The following GCNT2 variants were observed in gnomAD, a reference collection of about 807,000 sequenced individuals.
GCNT2 encodes the protein N-acetyllactosaminide beta-1,6-N-acetylglucosaminyl-transferase.
Under a neutral mutation model 34.2 loss-of-function variants are expected in GCNT2, and 34 were observed. The ratio of observed to expected loss-of-function variants is 1.00; its 90% CI spans 0.76 to 1.32. The LOEUF is 1.32. GCNT2 is among the 40% of genes most tolerant of loss of function. GCNT2 has a pLI of 0.00. For synonymous variants in GCNT2, 212 were observed against 188.0 expected (o/e 1.13, Z -1.04); for missense variants, 584 against 489.4 (o/e 1.19, Z -1.82).
chr6:10,570,549 C>G (rs567468830), intron 3 of GCNT2, among the ~76,000 whole-genome samples: 2 of 152,286 alleles, frequency 1.3e-5, no homozygotes, highest in Admixed American at 1.3e-4. Context: ...TACCATCAGC[C>G]CTCTCTTCTG....
Position 10,617,747 on chromosome 6 carries a change from CTTCTTTTT to C in GCNT2, c.926-3601_926-3594del, listed in dbSNP as rs1476204165. ...CTGCACCTGGCCAGAGTCTGCATTT[CTTCTTTTT>C]TTTTTTTTTTTTTTTTTGACACAGG... is the stretch of plus-strand genomic sequence containing the variant. On this transcript the variant is annotated intron_variant, in intron 3 of 4. Transcript: ENST00000495262. 8.2e-3 allele frequency among the ~76,000 whole-genome samples: 935 copies of C among 114,276 alleles called. 19 individuals are homozygous for C. Among genetic ancestry groups the C allele is most frequent in the African/African-American group, 0.037 (868 of 23,570 alleles). The allele number at this position is 114,276 out of a possible 152,430, so 75.0% of individuals were successfully genotyped here.
intron 3 of GCNT2, chr6:10,556,423 C>T (rs746301468): frequency 6.2e-7 from 1 of 1,613,626 alleles, no homozygotes; most frequent in Non-Finnish European, 8.5e-7. Context: ...TTCTTTGAGG[C>T]ATGCCTTTAT....
intron 3 of GCNT2, among the ~76,000 whole-genome samples, chr6:10,544,631 ATAT>A (rs1417347836): frequency 1.8e-4 from 27 of 150,408 alleles, no homozygotes; most frequent in African/African-American, 6.6e-4. Context: ...ATAAAATAAA[ATAT>A]TAAATAAATA....
chr6:10,625,683 C>T (rs530527711), intron 4 of GCNT2, among the ~76,000 whole-genome samples: 24 of 152,272 alleles, frequency 1.6e-4, no homozygotes, highest in African/African-American at 4.6e-4. Context: ...TAGGACTTCT[C>T]ATCTGTAACT....
At chr6:10,572,805 C>T (rs9283875) in intron 3 of GCNT2, among the ~76,000 whole-genome samples, 75,096 of 152,104 alleles carry the variant, frequency 0.49, 18,854 homozygotes, top group East Asian at 0.64. Context: ...CTTAAAACTA[C>T]GTTACCCAGT....
chr6:10,526,036 T>C (rs551520977), intron 1 of GCNT2, among the ~76,000 whole-genome samples: 3 of 152,336 alleles, frequency 2.0e-5, no homozygotes, highest in African/African-American at 7.2e-5. Context: ...TAATCATTCC[T>C]ATAGTATTTC....
At chr6:10,623,132 C>G (rs1331578085) in intron 4 of GCNT2, among the ~76,000 whole-genome samples, 4 of 152,040 alleles carry the variant, frequency 2.6e-5, no homozygotes, top group Non-Finnish European at 4.4e-5. Context: ...CTCCATTACA[C>G]CAACCTCTTT....
At chr6:10,604,867 G>A (rs116223504) in intron 3 of GCNT2, among the ~76,000 whole-genome samples, 119 of 147,802 alleles carry the variant, frequency 8.1e-4, no homozygotes, top group Middle Eastern at 3.5e-3. Flanking sequence ...TCAAAAAAAA[G>A]AAAAAGAAAA....
At chr6:10,534,697 C>CAA (rs201663079) in intron 3 of GCNT2, among the ~76,000 whole-genome samples, 2 of 149,542 alleles carry the variant, frequency 1.3e-5, no homozygotes, top group African/African-American at 4.9e-5. Flanking sequence ...CTTGTCTCTA[C>CAA]AAAAAAAAAT....
chr6:10,624,961 G>A (rs1241733021), intron 4 of GCNT2, among the ~76,000 whole-genome samples: 3 of 152,148 alleles, frequency 2.0e-5, no homozygotes, highest in Non-Finnish European at 4.4e-5. Flanking sequence ...TCTCCAGGCC[G>A]AAATATTCTT....
At chr6:10,588,888 A>AGTGTGTGTGTT (rs1376403724) in intron 3 of GCNT2, among the ~76,000 whole-genome samples, 1 of 39,776 alleles carries the variant, frequency 2.5e-5, no homozygotes, top group African/African-American at 9.5e-5. Context: ...GTGTGTTTGT[A>AGTGTGTGTGTT]GCGTGTGTGT....
chr6:10,615,591 A>G (rs922851866), intron 3 of GCNT2, among the ~76,000 whole-genome samples: 2 of 152,190 alleles, frequency 1.3e-5, no homozygotes, highest in African/African-American at 4.8e-5. Context: ...CCCGATCCAG[A>G]CCCCAAGAGA....
intron 3 of GCNT2, among the ~76,000 whole-genome samples, chr6:10,616,588 A>G (rs1765774971): frequency 6.6e-6 from 1 of 152,144 alleles, no homozygotes; most frequent in Non-Finnish European, 1.5e-5. Flanking sequence ...CCTGAGCTAG[A>G]TACAGAGTGC....
At chr6:10,615,295 G>T (rs1359507542) in intron 3 of GCNT2, among the ~76,000 whole-genome samples, 3 of 152,142 alleles carry the variant, frequency 2.0e-5, no homozygotes, top group Admixed American at 6.5e-5. Context: ...GTTGGATGTT[G>T]ATACAAGAGG....
intron 3 of GCNT2, among the ~76,000 whole-genome samples, chr6:10,544,828 T>G (rs1051342059): frequency 1.3e-5 from 2 of 148,526 alleles, no homozygotes; most frequent in African/African-American, 5.0e-5. Context: ...ACCTGTAATC[T>G]GAGCTACTCG....
At chr6:10,551,541 A>T (rs1177103195) in intron 3 of GCNT2, among the ~76,000 whole-genome samples, 1 of 147,518 alleles carries the variant, frequency 6.8e-6, no homozygotes, top group Non-Finnish European at 1.5e-5. Flanking sequence ...CGCCTCCCTG[A>T]TTCAAGCAAT....
chr6:10,582,060 A>C (rs1330286123), intron 3 of GCNT2: 1 of 162,970 alleles, frequency 6.1e-6, no homozygotes, highest in Non-Finnish European at 1.2e-5. Flanking sequence ...AAAAATACAC[A>C]TGTAATATAT....
intron 3 of GCNT2, among the ~76,000 whole-genome samples, chr6:10,614,644 A>AAAAAGAG (rs1214651898): frequency 6.9e-6 from 1 of 143,936 alleles, no homozygotes; most frequent in African/African-American, 2.7e-5. Context: ...AAAAAAAAAA[A>AAAAAGAG]AGAGAAAAAG....
Position 10,626,553 on chromosome 6 carries a change from C to T in GCNT2, c.1155C>T (p.Arg385=), listed in dbSNP as rs370574556. ...LTVECLELRH[R]ERTLNQSETA... ...TGGAATGCCTAGAACTGAGGCATCG[C>T]GAAAGAACCCTCAATCAGAGTGAAA... Residue 385 remains arginine (R), a synonymous_variant, in exon 5 of 5, where the codon CGC becomes CGT. Coordinates refer to ENST00000495262, the MANE Select transcript of GCNT2 (RefSeq NM_145649.5). The T allele has an allele frequency of 8.3e-5, 134 of 1,613,772 alleles. No individual in the cohort carries two copies. Among genetic ancestry groups the T allele is most frequent in the Admixed American group, 4.8e-4 (29 of 60,022 alleles).
Sources: gnomAD v4.1 joint callset for allele counts (sites outside exome capture counted in the v4.1 genomes callset) on GRCh38, gnomAD v4.1.1 for gene constraint, MANE v1.5 for transcripts, NCBI Gene and HGNC (gene_info 2026-07-23, HGNC 2026-07-21) for gene names.